Variants in NHLH1 observed in about 807,000 individuals in gnomAD.
NHLH1 encodes nescient helix-loop-helix 1.
Under a neutral mutation model 6.7 loss-of-function variants are expected in NHLH1, and 3 were observed. The ratio of observed to expected loss-of-function variants is 0.44; its 90% CI spans 0.20 to 1.15. The LOEUF is 1.15. Among genes scored for constraint, NHLH1 ranks in the 50% most tolerant of loss-of-function variants. The pLI, the probability that NHLH1 is intolerant of heterozygous loss-of-function variation, is 0.26. For missense variants in NHLH1, 177 were observed against 189.5 expected (o/e 0.93, Z 0.39); for synonymous variants, 92 against 84.2 (o/e 1.09, Z -0.51).
Position 160,370,754 on chromosome 1 carries a change from T to G in NHLH1, c.23T>G (p.Met8Arg), listed in dbSNP as rs1571219211. The change falls in exon 2 of 2, where the codon ATG becomes AGG. Residue 8 changes from methionine (M) to arginine (R), a missense_variant. Transcript: ENST00000302101. MMLNSDT[M>R]ELDLPPTHSE... ...ATCATGATGCTCAACTCAGACACCA[T>G]GGAGCTGGACCTGCCGCCCACCCAC... 6.2e-7 allele frequency: 1 copy of G among 1,612,522 alleles called. No homozygotes were observed. The highest frequency in any genetic ancestry group is 8.5e-7 in the Non-Finnish European group (1 of 1,179,518).
chr1:160,370,643 C>T lies in NHLH1; in HGVS notation c.-89C>T. 1.4e-6 allele frequency: 2 copies of T among 1,383,530 alleles called. No individual in the cohort carries two copies. Among genetic ancestry groups the T allele is most frequent in the South Asian group, 1.3e-5 (1 of 76,068 alleles). The allele number at this position is 1,383,530 out of a possible 1,614,324, so 85.7% of individuals were successfully genotyped here. A position where few individuals can be genotyped will look rare whatever the true frequency, so the allele number is the denominator to read the frequency against. Reference sequence around the variant, plus strand: ...GCAGACCCCACGACCCTTCCTCCCCCTTCCTCCCCCTCCCACCACCAGCTT... The same window carrying T: ...GCAGACCCCACGACCCTTCCTCCCCTTTCCTCCCCCTCCCACCACCAGCTT... On this transcript the variant is annotated 5_prime_UTR_variant, in exon 2 of 2. Transcript: ENST00000302101.
intron 1 of NHLH1, among the ~76,000 whole-genome samples, chr1:160,367,556 G>T (rs1649516455): frequency 6.6e-6 from 1 of 152,116 alleles, no homozygotes; most frequent in South Asian, 2.1e-4. Flanking sequence ...GTCCTGTCCT[G>T]CAGGCTTGGA....
Position 160,370,526 on chromosome 1 carries a change from G to A in NHLH1, c.-175-31G>A, listed in dbSNP as rs1222972734. ...GAGCTGAGCATTCCCTCCTCCCTCCGCTGCTATCACTTCTCTCTTCTCTTT... is the reference window on the plus strand; with the variant it reads ...GAGCTGAGCATTCCCTCCTCCCTCCACTGCTATCACTTCTCTCTTCTCTTT... On this transcript the variant is annotated intron_variant, in intron 1 of 1. Transcript: ENST00000302101. The A allele has an allele frequency of 2.7e-5, 14 of 517,960 alleles. No homozygotes were observed. In the East Asian group the frequency reaches 4.6e-4, roughly 17 times the overall value. The allele number at this position is 517,960 out of a possible 1,614,324, so 32.1% of individuals were successfully genotyped here. A position where few individuals can be genotyped will look rare whatever the true frequency, so the allele number is the denominator to read the frequency against.
At position 160,371,235 on chromosome 1, in the gene NHLH1, G is replaced by T; in HGVS notation, c.*102G>T. ...CCCCGAGCCCTTATACCTTGGCATG[G>T]AGTCCCAAAGGCCCTGGGCACAGGC... On this transcript the variant is annotated 3_prime_UTR_variant, in exon 2 of 2. Coordinates refer to ENST00000302101, the MANE Select transcript of NHLH1 (RefSeq NM_005598.4). 2.0e-6 allele frequency: 3 copies of T among 1,490,164 alleles called. No homozygotes were observed. Among genetic ancestry groups the T allele is most frequent in the Non-Finnish European group, 2.7e-6 (3 of 1,121,152 alleles). 92.3% of individuals were successfully genotyped at this position (1,490,164 alleles called of 1,614,324 possible).
At chr1:160,368,486 T>C (rs1649544579) in intron 1 of NHLH1, among the ~76,000 whole-genome samples, 1 of 152,224 alleles carries the variant, frequency 6.6e-6, no homozygotes, top group South Asian at 2.1e-4. Flanking sequence ...AGGTTGATTA[T>C]GTTCCCTTTC....
rs866427908 is a variant in NHLH1, at chr1:160,371,089, G to A, written c.358G>A (p.Ala120Thr). 1.2e-6 allele frequency: 2 copies of A among 1,613,690 alleles called. No individual in the cohort carries two copies. Among genetic ancestry groups the A allele is most frequent in the Non-Finnish European group, 1.7e-6 (2 of 1,179,832 alleles). The change falls in exon 2 of 2, where the codon GCC (alanine) becomes ACC (threonine). Residue 120 changes from alanine to threonine, a missense_variant. By Grantham distance (58) the Ala-to-Thr change is moderately conservative. Coordinates refer to ENST00000302101, the MANE Select transcript of NHLH1 (RefSeq NM_005598.4). The part of the protein sequence containing the change: ...KLSKIEILRL[A>T]ICYISYLNHV... Reference sequence around the variant, plus strand: ...CTCCAAGATTGAGATTCTGCGCCTGGCCATCTGCTATATCTCCTACCTGAA... The same window carrying A: ...CTCCAAGATTGAGATTCTGCGCCTGACCATCTGCTATATCTCCTACCTGAA...
chr1:160,368,657 G>C (rs906516646), intron 1 of NHLH1, among the ~76,000 whole-genome samples: 1 of 152,168 alleles, frequency 6.6e-6, no homozygotes, highest in Non-Finnish European at 1.5e-5. Context: ...TATCTACAAT[G>C]GTTCTGCTGG....
chr1:160,368,204 A>G (rs1208108807), intron 1 of NHLH1, among the ~76,000 whole-genome samples: 1 of 152,192 alleles, frequency 6.6e-6, no homozygotes, highest in Non-Finnish European at 1.5e-5. Flanking sequence ...GGAGATAGTG[A>G]TGGTGCAGGC....
chr1:160,369,565 A>T (rs1429462825), intron 1 of NHLH1, among the ~76,000 whole-genome samples: 2 of 152,186 alleles, frequency 1.3e-5, no homozygotes, highest in Admixed American at 1.3e-4. Context: ...TAAGGGTTCC[A>T]ATTTCTCCAC....
At position 160,371,175 on chromosome 1, in the gene NHLH1, T is replaced by C; in HGVS notation, c.*42T>C. The C allele has an allele frequency of 6.4e-7, 1 of 1,558,854 alleles. No individual in the cohort carries two copies. The highest frequency in any genetic ancestry group is 8.7e-7 in the Non-Finnish European group (1 of 1,153,718). On this transcript the variant is annotated 3_prime_UTR_variant, in exon 2 of 2. Transcript: ENST00000302101. ...ACCTCCCGGGCCTCTCTGGGGCCCC[T>C]TTCCACCGCTCACTGCTTAGAAAGG...
In NHLH1 at chr1:160,372,652, C is replaced by T. The variant is rs1470837926; in HGVS notation, c.*1519C>T. 1.8e-5 allele frequency: 3 copies of T among 167,194 alleles called. No individual in the cohort carries two copies. Among genetic ancestry groups the T allele is most frequent in the African/African-American group, 4.8e-5 (2 of 41,382 alleles). The allele number at this position is 167,194 out of a possible 1,614,324, so 10.4% of individuals were successfully genotyped here. On this transcript the variant is annotated 3_prime_UTR_variant, in exon 2 of 2. Coordinates refer to ENST00000302101, the MANE Select transcript of NHLH1 (RefSeq NM_005598.4). Reference sequence around the variant, plus strand: ...CCTGGATGTCCTTCCTCAACTCCCTCCACCCCTAGACAATCCTACCTGGTC... The same window carrying T: ...CCTGGATGTCCTTCCTCAACTCCCTTCACCCCTAGACAATCCTACCTGGTC...
In NHLH1 at chr1:160,370,560, T is replaced by G; in HGVS notation, c.-172T>G. The stretch of plus-strand genomic sequence containing the variant: ...ACTTCTCTCTTCTCTTTTTCAGGCT[T>G]CAGACTGGCACCCTGACCATGGAAC... On this transcript the variant is annotated 5_prime_UTR_variant, in exon 2 of 2. Transcript: ENST00000302101. 1.6e-6 allele frequency: 1 copy of G among 626,674 alleles called. No homozygotes were observed. Among genetic ancestry groups the G allele is most frequent in the Non-Finnish European group, 2.8e-6 (1 of 353,890 alleles). The allele number at this position is 626,674 out of a possible 1,614,324, so 38.8% of individuals were successfully genotyped here.
Position 160,370,961 on chromosome 1 carries a change from G to A in NHLH1, c.230G>A (p.Arg77His), listed in dbSNP as rs1294734058. ...RRRRRATAKY[R>H]TAHATRERIR... Reference sequence around the variant, plus strand: ...CGGCGCCGCGCCACAGCCAAGTACCGCACGGCCCACGCCACGCGAGAACGC... The same window carrying A: ...CGGCGCCGCGCCACAGCCAAGTACCACACGGCCCACGCCACGCGAGAACGC... Residue 77 changes from arginine (R) to histidine (H), a missense_variant, in exon 2 of 2, where the codon CGC becomes CAC. Coordinates refer to ENST00000302101, the MANE Select transcript of NHLH1 (RefSeq NM_005598.4). The A allele has an allele frequency of 1.2e-6, 2 of 1,612,176 alleles. No homozygotes were observed. The highest frequency in any genetic ancestry group is 8.5e-7 in the Non-Finnish European group (1 of 1,179,044).
chr1:160,371,454 C>G lies in NHLH1; in HGVS notation c.*321C>G. ...CACTTGGAGTCTGCCCCCAAGCTCT[C>G]TCACTGAATGCTGCCTCTTCTACCC... On this transcript the variant is annotated 3_prime_UTR_variant, in exon 2 of 2. Coordinates refer to ENST00000302101, the MANE Select transcript of NHLH1 (RefSeq NM_005598.4). The G allele has an allele frequency of 7.2e-6, 2 of 277,544 alleles. No individual in the cohort carries two copies. 17.2% of individuals were successfully genotyped at this position (277,544 alleles called of 1,614,324 possible). A position where few individuals can be genotyped will look rare whatever the true frequency, so the allele number is the denominator to read the frequency against.
intron 1 of NHLH1, among the ~76,000 whole-genome samples, chr1:160,368,981 C>G (rs948331002): frequency 2.0e-5 from 3 of 152,140 alleles, no homozygotes; most frequent in African/African-American, 2.4e-5. Flanking sequence ...TAATCTTAAC[C>G]ATTTTTAAGT....
rs1417011994 is a variant in NHLH1 at position 160,370,868 on chromosome 1, G to A, written c.137G>A (p.Arg46Gln). The change falls in exon 2 of 2, where the codon CGA (arginine) becomes CAA (glutamine). Residue 46 changes from arginine (R) to glutamine (Q), a missense_variant. Physicochemically the swap from Arg to Gln is conservative, Grantham distance 43. Transcript: ENST00000302101. ...GPGGPGGGQA[R>Q]GPEPGEPGRK... is the part of the protein sequence containing the mutation. ...GGGGGTCCGGGAGGGGGCCAGGCCCGAGGCCCAGAGCCGGGAGAGCCTGGC... is the reference window on the plus strand; with the variant it reads ...GGGGGTCCGGGAGGGGGCCAGGCCCAAGGCCCAGAGCCGGGAGAGCCTGGC... The A allele has an allele frequency of 1.9e-6, 3 of 1,606,418 alleles. No individual in the cohort carries two copies. Among genetic ancestry groups the A allele is most frequent in the Non-Finnish European group, 2.5e-6 (3 of 1,176,796 alleles).
At position 160,372,619 on chromosome 1, in the gene NHLH1, C is replaced by T. The variant is rs1173025166; in HGVS notation, c.*1486C>T. 2 of 167,096 alleles carry T rather than the reference C, an allele frequency of 1.2e-5. No homozygotes were observed. The highest frequency in any genetic ancestry group is 2.9e-5 in the Non-Finnish European group (2 of 68,240). 10.4% of individuals were successfully genotyped at this position (167,096 alleles called of 1,614,324 possible). On this transcript the variant is annotated 3_prime_UTR_variant, in exon 2 of 2. Coordinates refer to ENST00000302101, the MANE Select transcript of NHLH1 (RefSeq NM_005598.4). ...CCAGGATAGTGCTCCTCCCCCAGCT[C>T]CAGGGCTCCTGGATGTCCTTCCTCA...
At position 160,370,981 on chromosome 1, in the gene NHLH1, G is replaced by A. The variant is rs1292379923; in HGVS notation, c.250G>A (p.Glu84Lys). 6.2e-7 allele frequency: 1 copy of A among 1,613,534 alleles called. No individual in the cohort carries two copies. The highest frequency in any genetic ancestry group is 8.5e-7 in the Non-Finnish European group (1 of 1,179,772). ...AKYRTAHATRERIRVEAFNLA... is the reference protein window; with the variant it reads ...AKYRTAHATRKRIRVEAFNLA... ...GTACCGCACGGCCCACGCCACGCGA[G>A]AACGCATCCGCGTGGAAGCCTTCAA... The change falls in exon 2 of 2, where the codon GAA (glutamate) becomes AAA (lysine). Residue 84 changes from glutamate (E) to lysine (K), a missense_variant. Physicochemically the swap from Glu to Lys is moderately conservative, Grantham distance 56. Coordinates refer to ENST00000302101, the MANE Select transcript of NHLH1 (RefSeq NM_005598.4).
intron 1 of NHLH1, 146 bp from the exon 2 acceptor site, chr1:160,370,411 C>A (rs1464734889): frequency 1.5e-5 from 3 of 197,948 alleles, no homozygotes; most frequent in Non-Finnish European, 3.0e-5. Context: ...TCTCCCCACC[C>A]CCCGACCCCC....
Sources: gnomAD v4.1 joint callset for allele counts (sites outside exome capture counted in the v4.1 genomes callset) on GRCh38, gnomAD v4.1.1 for gene constraint, MANE v1.5 for transcripts, NCBI Gene and HGNC (gene_info 2026-07-23, HGNC 2026-07-21) for gene names.